CLEC12B: variants seen among roughly 807,000 people sequenced by gnomAD.
CLEC12B encodes macrophage antigen h.
CLEC12B carries 25 observed loss-of-function variants against 36.1 expected under a neutral mutation model. The observed-to-expected ratio is 0.69, with a 90% confidence interval of 0.50 to 0.97. The LOEUF is 0.97. Among genes scored for constraint, CLEC12B ranks in the 50% least tolerant of loss-of-function variants. The probability of loss-of-function intolerance (pLI) is 0.00; values close to 1 mark genes in which losing one functional copy is unlikely to be tolerated. For synonymous variants in CLEC12B, 110 were observed against 108.5 expected (o/e 1.01, Z -0.09); for missense variants, 325 against 318.4 (o/e 1.02, Z -0.16).
At position 10,014,054 on chromosome 12, in the gene CLEC12B, T is replaced by C. The variant is rs58496032; in HGVS notation, c.191-469T>C. On this transcript the variant is annotated intron_variant, in intron 2 of 5. Transcript: ENST00000338896. ...GAAAAGGGCATATTTCATGGACCCA[T>C]GACGAGAAATGGTCTGATATGCCAT... Among the ~76,000 whole-genome samples the C allele has an allele frequency of 8.9e-3, 1,356 of 152,298 alleles. 25 individuals are homozygous for C. Among genetic ancestry groups the C allele is most frequent in the African/African-American group, 0.029 (1,225 of 41,550 alleles).
chr12:10,008,231 T>C (rs1299024018), upstream of CLEC12B, among the ~76,000 whole-genome samples: 1 of 152,208 alleles, frequency 6.6e-6, no homozygotes, highest in Non-Finnish European at 1.5e-5. Context: ...GGAAATAAAT[T>C]TTAAATTTAA....
chr12:10,015,938 A>G, intron 5 of CLEC12B: 1 of 1,367,368 alleles, frequency 7.3e-7, no homozygotes, highest in Non-Finnish European at 9.4e-7. Flanking sequence ...CTTTTGGTAG[A>G]AATGTGTTTA....
intron 4 of CLEC12B, 68 bp downstream of exon 4, chr12:10,015,474 T>G: frequency 6.4e-7 from 1 of 1,563,220 alleles, no homozygotes; most frequent in East Asian, 2.2e-5. Context: ...AAATAAAACA[T>G]CTGATTCACA....
At chr12:10,016,679 T>C (rs1287397354) in intron 5 of CLEC12B, 1 of 208,544 alleles carries the variant, frequency 4.8e-6, no homozygotes, top group African/African-American at 2.4e-5. Flanking sequence ...TTGGGGTATA[T>C]GTGATAATTT....
upstream of CLEC12B, among the ~76,000 whole-genome samples, chr12:10,010,200 TCACACA>T (rs3053772): frequency 7.2e-3 from 1,045 of 145,840 alleles, 9 homozygotes; most frequent in Middle Eastern, 0.017. Flanking sequence ...TGTCTCTCTC[TCACACA>T]CACACACACA....
intron 5 of CLEC12B, chr12:10,016,029 T>G: frequency 2.0e-6 from 2 of 1,000,130 alleles, no homozygotes; most frequent in South Asian, 3.8e-5. Flanking sequence ...TATATTCCCA[T>G]TTTATAGGTA....
rs1160739182 is a variant in CLEC12B at position 10,018,277 on chromosome 12, T to C, written c.681-54T>C. On this transcript the variant is annotated intron_variant, in intron 5 of 5. Coordinates refer to ENST00000338896, the MANE Select transcript of CLEC12B (RefSeq NM_001129998.3). ...TGTAAGAGCAACTGAGGGCACTAAA[T>C]AGTGATCACGTTTCAAATACAGAAT... is the stretch of plus-strand genomic sequence containing the variant. The C allele has an allele frequency of 9.1e-5, 101 of 1,112,950 alleles. No individual in the cohort carries two copies. The Admixed American group carries it at 2.6e-3, about 29-fold the overall frequency. 68.9% of individuals were successfully genotyped at this position (1,112,950 alleles called of 1,614,324 possible). A position where few individuals can be genotyped will look rare whatever the true frequency, so the allele number is the denominator to read the frequency against.
chr12:10,010,933 C>T (rs373441256), intron 1 of CLEC12B, 83 bp downstream of exon 1: 29 of 803,400 alleles, frequency 3.6e-5, no homozygotes, highest in South Asian at 3.4e-4. Flanking sequence ...TTAATACTGG[C>T]GTTAAAGACA....
In CLEC12B at chr12:10,015,480, T is replaced by A; in HGVS notation, c.564+74T>A. The A allele has an allele frequency of 2.6e-6, 4 of 1,560,222 alleles. No homozygotes were observed. In the South Asian group the frequency reaches 4.7e-5, roughly 18 times the overall value. On this transcript the variant is annotated intron_variant, in intron 4 of 5. Coordinates refer to ENST00000338896, the MANE Select transcript of CLEC12B (RefSeq NM_001129998.3). ...GAGAGAAATAAATAAAACATCTGAT[T>A]CACATGATGGAAATTCAGTGCATCT...
chr12:10,015,666 T>C lies in CLEC12B; in HGVS notation c.619T>C (p.Ser207Pro), dbSNP rs1358926881. 2.5e-6 allele frequency: 4 copies of C among 1,613,820 alleles called. No homozygotes were observed. The highest frequency in any genetic ancestry group is 3.4e-6 in the Non-Finnish European group (4 of 1,179,744). Residue 207 changes from serine (S) to proline (P), a missense_variant, in exon 5 of 6, where the codon TCA (serine) becomes CCA (proline). By Grantham distance (74) the Ser-to-Pro change is moderately conservative. Coordinates refer to ENST00000338896, the MANE Select transcript of CLEC12B (RefSeq NM_001129998.3). ...LMFSFFWLGL[S>P]WDSSGRSWFW... ...GTTTTCGTTCTTTTGGCTGGGATTATCATGGGACTCCTCTGGCAGAAGTTG... is the reference window on the plus strand; with the variant it reads ...GTTTTCGTTCTTTTGGCTGGGATTACCATGGGACTCCTCTGGCAGAAGTTG...
At chr12:10,007,697 C>T (rs945522451), upstream of CLEC12B, among the ~76,000 whole-genome samples, 2 of 152,134 alleles carry the variant, frequency 1.3e-5, no homozygotes, top group African/African-American at 4.8e-5. Context: ...ATTTCAAAAA[C>T]GTAAGATAAA....
chr12:10,007,255 A>C (rs1306122269), upstream of CLEC12B, among the ~76,000 whole-genome samples: 3 of 151,896 alleles, frequency 2.0e-5, no homozygotes, highest in African/African-American at 7.3e-5. Context: ...AATATAGGAG[A>C]TATTATATCA....
chr12:10,011,566 G>A (rs1235594976), intron 1 of CLEC12B, among the ~76,000 whole-genome samples: 1 of 152,186 alleles, frequency 6.6e-6, no homozygotes, highest in Admixed American at 6.5e-5. Context: ...CCCAGTCTCA[G>A]TGCTGGTCTT....
At chr12:10,012,545 T>TC (rs200008541) in intron 1 of CLEC12B, among the ~76,000 whole-genome samples, 1 of 151,720 alleles carries the variant, frequency 6.6e-6, no homozygotes, top group Non-Finnish European at 1.5e-5. Context: ...AAGGTATGCC[T>TC]CCCCCCTCCC....
At chr12:10,010,913 G>C in intron 1 of CLEC12B, 63 bp downstream of exon 1, 1 of 1,070,332 alleles carries the variant, frequency 9.3e-7, no homozygotes, top group Non-Finnish European at 1.4e-6. Flanking sequence ...AATGCTTTGA[G>C]GTGCCAGCTT....
intron 5 of CLEC12B, chr12:10,017,948 C>T: frequency 1.0e-6 from 1 of 957,176 alleles, no homozygotes; most frequent in Non-Finnish European, 1.2e-6. Context: ...CTTTTTACAA[C>T]AGAATGTGAT....
intron 3 of CLEC12B, 85 bp downstream of exon 3, chr12:10,014,826 G>T: frequency 1.2e-6 from 1 of 864,974 alleles, no homozygotes; most frequent in Non-Finnish European, 1.9e-6. Context: ...TAAGAGTATT[G>T]AGAGAGTTAT....
Position 10,018,500 on chromosome 12 carries a change from T to C in CLEC12B, c.*19T>C, listed in dbSNP as rs149553360. ...GGATTAGTATGCTTCTTCCAAATTC[T>C]CCAAGAAGTAAGAGACTTGTGAGTA... On this transcript the variant is annotated 3_prime_UTR_variant, in exon 6 of 6. Transcript: ENST00000338896. 3.4e-4 allele frequency: 522 copies of C among 1,545,552 alleles called. 2 individuals carry two copies. The African/African-American group carries it at 6.6e-3, about 19-fold the overall frequency.
In CLEC12B at chr12:10,018,781, C is replaced by T. The variant is rs1865549939; in HGVS notation, c.*300C>T. 6.6e-6 allele frequency among the ~76,000 whole-genome samples: 1 copy of T among 151,946 alleles called. No homozygotes were observed. Among genetic ancestry groups the T allele is most frequent in the Admixed American group, 6.6e-5 (1 of 15,248 alleles). On this transcript the variant is annotated 3_prime_UTR_variant, in exon 6 of 6. Coordinates refer to ENST00000338896, the MANE Select transcript of CLEC12B (RefSeq NM_001129998.3). ...TCTTTGCTTTCTCAAATAAAGACTC[C>T]TTTCTTTCATTATTATTATACTGTC...
Sources: allele counts gnomAD v4.1 joint callset (sites outside exome capture counted in the v4.1 genomes callset), GRCh38; gene constraint gnomAD v4.1.1; transcripts MANE v1.5; gene names NCBI Gene and HGNC (gene_info 2026-07-23, HGNC 2026-07-21).